Variants in PRIM2 observed in about 807,000 individuals in gnomAD.
PRIM2 encodes the protein DNA primase large subunit.
A neutral mutation model predicts 67.3 loss-of-function variants in PRIM2; 39 were observed. The ratio of observed to expected loss-of-function variants is 0.58; its 90% confidence interval spans 0.45 to 0.76. The LOEUF (loss-of-function observed/expected upper bound fraction) is 0.76. Among genes scored for constraint, PRIM2 ranks in the 30% least tolerant of loss-of-function variants. The pLI is 0.00. For synonymous variants in PRIM2, 143 were observed against 198.7 expected (o/e 0.72, Z 2.36); for missense variants, 398 against 598.7 (o/e 0.66, Z 3.50).
chr6:57,590,545 C>G (rs1400605460), intron 10 of PRIM2, among the ~76,000 whole-genome samples: 2 of 152,134 alleles, frequency 1.3e-5, no homozygotes, highest in African/African-American at 4.8e-5. Context: ...TAAGGGGATT[C>G]TGGTTAAACA....
chr6:57,550,036 G>A (rs1246780797), intron 10 of PRIM2, among the ~76,000 whole-genome samples: 1 of 152,214 alleles, frequency 6.6e-6, no homozygotes, highest in East Asian at 1.9e-4. Context: ...GGTGAGCTGA[G>A]ATCTCACCAT....
chr6:57,583,773 CTAGTT>C (rs1315521462), intron 10 of PRIM2, among the ~76,000 whole-genome samples: 10 of 152,272 alleles, frequency 6.6e-5, no homozygotes, highest in Non-Finnish European at 1.3e-4. Flanking sequence ...AATGGTTGAA[CTAGTT>C]TACAGTCCCA....
intron 10 of PRIM2, among the ~76,000 whole-genome samples, chr6:57,562,505 A>G (rs1219014860): frequency 1.3e-5 from 2 of 152,198 alleles, no homozygotes; most frequent in Admixed American, 6.5e-5. Context: ...CTATATGCCA[A>G]TAACTCCTAA....
At chr6:57,533,507 C>A (rs1178567915) in intron 9 of PRIM2, among the ~76,000 whole-genome samples, 1 of 152,216 alleles carries the variant, frequency 6.6e-6, no homozygotes, top group African/African-American at 2.4e-5. Context: ...CTAGAAATAA[C>A]AGTAGGGTTG....
intron 13 of PRIM2, among the ~76,000 whole-genome samples, chr6:57,641,594 A>G (rs1777234726): frequency 6.6e-6 from 1 of 152,218 alleles, no homozygotes; most frequent in Non-Finnish European, 1.5e-5. Context: ...CACTTCGCAA[A>G]AGAAGACATT....
At chr6:57,534,920 CTAATCACACTTGATT>C (rs1774972765) in intron 9 of PRIM2, among the ~76,000 whole-genome samples, 1 of 152,184 alleles carries the variant, frequency 6.6e-6, no homozygotes, top group Non-Finnish European at 1.5e-5. Context: ...TACCTCTCCC[CTAATCACACTTGATT>C]TCATTTCTCT....
At chr6:57,278,276 G>C in the PRIM2 span, among the ~76,000 whole-genome samples, 1 of 151,990 alleles carries the variant, frequency 6.6e-6, no homozygotes, top group Non-Finnish European at 1.5e-5. Context: ...GCAGTGAGCC[G>C]AGATTGCACC....
chr6:57,331,195 A>C (rs1327408490), intron 5 of PRIM2, among the ~76,000 whole-genome samples: 1 of 152,034 alleles, frequency 6.6e-6, no homozygotes, highest in African/African-American at 2.4e-5. Flanking sequence ...CTCAGAAAAA[A>C]AAAAAAAAAA....
chr6:57,523,064 A>G (rs1774659453), intron 8 of PRIM2, among the ~76,000 whole-genome samples: 1 of 152,244 alleles, frequency 6.6e-6, no homozygotes, highest in Non-Finnish European at 1.5e-5. Context: ...GTATTCATAG[A>G]AAGAAATTGG....
chr6:57,262,372 A>T, the PRIM2 span, among the ~76,000 whole-genome samples: 1 of 151,986 alleles, frequency 6.6e-6, no homozygotes, highest in African/African-American at 2.4e-5. Flanking sequence ...TTCCTACTCG[A>T]CTGAAAGAAA....
intron 10 of PRIM2, among the ~76,000 whole-genome samples, chr6:57,561,779 A>G (rs1327964233): frequency 1.3e-5 from 2 of 152,146 alleles, no homozygotes; most frequent in Non-Finnish European, 2.9e-5. Context: ...TTACATTCAC[A>G]GCTTGGCTGT....
At chr6:57,403,001 G>A (rs1581867942) in intron 7 of PRIM2, among the ~76,000 whole-genome samples, 1 of 151,944 alleles carries the variant, frequency 6.6e-6, no homozygotes, top group Non-Finnish European at 1.5e-5. Flanking sequence ...ATATGTATAT[G>A]TATGTACAGA....
intron 7 of PRIM2, among the ~76,000 whole-genome samples, chr6:57,405,246 T>C (rs1276991472): frequency 2.0e-5 from 3 of 152,302 alleles, no homozygotes; most frequent in Non-Finnish European, 4.4e-5. Context: ...CAAAGAAAGA[T>C]GCATCACCTG....
the PRIM2 span, among the ~76,000 whole-genome samples, chr6:57,236,936 G>C: frequency 6.6e-6 from 1 of 152,138 alleles, no homozygotes; most frequent in African/African-American, 2.4e-5. Flanking sequence ...TACCAGTAAT[G>C]GGATGGCTGG....
chr6:57,310,081 TCAAA>T (rs1767352068), upstream of PRIM2, among the ~76,000 whole-genome samples: 1 of 151,636 alleles, frequency 6.6e-6, no homozygotes, highest in African/African-American at 2.4e-5. Context: ...TACAATGAAC[TCAAA>T]CAAATTTACA....
intron 12 of PRIM2, among the ~76,000 whole-genome samples, chr6:57,617,055 T>C (rs1776769026): frequency 6.6e-6 from 1 of 152,188 alleles, no homozygotes; most frequent in Non-Finnish European, 1.5e-5. Flanking sequence ...CTTTAAAAAT[T>C]TATCTCACAG....
the PRIM2 span, among the ~76,000 whole-genome samples, chr6:57,301,852 A>G: frequency 6.6e-6 from 1 of 152,200 alleles, no homozygotes; most frequent in Non-Finnish European, 1.5e-5. Context: ...AATGGGAGAA[A>G]TATACCTAAC....
chr6:57,358,840 A>G (rs1769112344), intron 5 of PRIM2, among the ~76,000 whole-genome samples: 1 of 152,228 alleles, frequency 6.6e-6, no homozygotes, highest in African/African-American at 2.4e-5. Context: ...CTTAGCTGGT[A>G]CAGTGGATTA....
chr6:57,592,598 C>T (rs1290783055), intron 10 of PRIM2, among the ~76,000 whole-genome samples: 25 of 152,162 alleles, frequency 1.6e-4, no homozygotes, highest in Admixed American at 5.2e-4. Flanking sequence ...AGTTCGAGAC[C>T]AGCCTGGCCA....
Sources: allele counts gnomAD v4.1 joint callset (sites outside exome capture counted in the v4.1 genomes callset), GRCh38; gene constraint gnomAD v4.1.1; transcripts MANE v1.5; gene names NCBI Gene and HGNC (gene_info 2026-07-23, HGNC 2026-07-21).